The following COBLL1 variants were observed in gnomAD, a reference collection of about 807,000 sequenced individuals.
COBLL1 encodes the protein cordon-bleu WH2 repeat protein like 1.
A neutral mutation model predicts 94.8 loss-of-function variants in COBLL1; 50 were observed. That is an observed-to-expected ratio of 0.53 (90% CI 0.42 to 0.67). The LOEUF is 0.67. Among genes scored for constraint, COBLL1 ranks in the 30% least tolerant of loss-of-function variants. The pLI is 0.00. For missense variants in COBLL1, 1,362 were observed against 1,348.7 expected, an observed-to-expected ratio of 1.01 and a Z score of -0.15; for synonymous variants, 448 against 473.8, an observed-to-expected ratio of 0.95 and a Z score of 0.71.
chr2:164,760,395 T>C (rs564082741), intron 2 of COBLL1, among the ~76,000 whole-genome samples: 3 of 152,162 alleles, frequency 2.0e-5, no homozygotes, highest in Non-Finnish European at 4.4e-5. Flanking sequence ...GGAGGCATGA[T>C]GAGACTATTA....
intron 1 of COBLL1, among the ~76,000 whole-genome samples, chr2:164,673,885 T>C: frequency 6.6e-6 from 1 of 152,236 alleles, no homozygotes; most frequent in South Asian, 2.1e-4. Flanking sequence ...TTTAGAAACT[T>C]GAGAGAATTC....
intron 3 of COBLL1, among the ~76,000 whole-genome samples, chr2:164,736,826 C>T (rs1686335164): frequency 6.6e-6 from 1 of 152,008 alleles, no homozygotes; most frequent in Admixed American, 6.6e-5. Context: ...AAAAGAAGTG[C>T]ACATATAGAT....
chr2:164,694,672 T>C lies in COBLL1; in HGVS notation c.2720A>G (p.Asp907Gly), dbSNP rs749744175. The C allele has an allele frequency of 6.2e-7, 1 of 1,613,752 alleles. No homozygotes were observed. Among genetic ancestry groups the C allele is most frequent in the South Asian group, 1.1e-5 (1 of 91,060 alleles). Residue 907 changes from aspartate to glycine, a missense_variant, in exon 12 of 14, where the codon GAT (aspartate) becomes GGT (glycine). By Grantham distance (94) the Asp-to-Gly change is moderately conservative (BLOSUM62 -1). Coordinates refer to ENST00000652658, the MANE Select transcript of COBLL1 (RefSeq NM_001365672.2). ...KELTNKEAERDMLPSPEQTLS... is the reference protein window; with the variant it reads ...KELTNKEAERGMLPSPEQTLS... Reference sequence around the variant, plus strand: ...AGTCTGCTCCGGAGAAGGCAGCATATCCCTTTCTGCCTCTTTATTTGTCAG... The same window carrying C: ...AGTCTGCTCCGGAGAAGGCAGCATACCCCTTTCTGCCTCTTTATTTGTCAG...
chr2:164,815,128 A>G (rs1684658679), intron 2 of COBLL1, among the ~76,000 whole-genome samples: 2 of 150,928 alleles, frequency 1.3e-5, no homozygotes, highest in Admixed American at 1.3e-4. Flanking sequence ...GGCCAGACAC[A>G]GGGGCTCATG....
chr2:164,667,697 T>C (rs1283210803), intron 1 of COBLL1, among the ~76,000 whole-genome samples: 2 of 152,208 alleles, frequency 1.3e-5, no homozygotes, highest in African/African-American at 2.4e-5. Context: ...TAGCTTCATC[T>C]CTCTCAGCCT....
chr2:164,821,904 T>TG (rs932792893), intron 2 of COBLL1, among the ~76,000 whole-genome samples: 64 of 152,054 alleles, frequency 4.2e-4, no homozygotes, highest in African/African-American at 1.5e-3. Context: ...AAACTGAGAG[T>TG]GGTGAGCTTA....
At chr2:164,817,168 C>T (rs1684798279) in intron 2 of COBLL1, among the ~76,000 whole-genome samples, 1 of 152,066 alleles carries the variant, frequency 6.6e-6, no homozygotes, top group African/African-American at 2.4e-5. Context: ...AACTCATAGC[C>T]ACAGCCACTG....
At chr2:164,662,065 A>C (rs1391834498) in intron 2 of COBLL1, among the ~76,000 whole-genome samples, 1 of 152,216 alleles carries the variant, frequency 6.6e-6, no homozygotes, top group Non-Finnish European at 1.5e-5. Flanking sequence ...ATATAGAGAA[A>C]TTCAAAATGT....
At chr2:164,756,312 T>C (rs968025525) in intron 2 of COBLL1, among the ~76,000 whole-genome samples, 2 of 152,120 alleles carry the variant, frequency 1.3e-5, no homozygotes, top group African/African-American at 2.4e-5. Context: ...TTCACTATGA[T>C]AGCCAGTTAC....
chr2:164,660,864 T>G (rs577299181), intron 2 of COBLL1, among the ~76,000 whole-genome samples: 1 of 152,334 alleles, frequency 6.6e-6, no homozygotes, highest in African/African-American at 2.4e-5. Context: ...TGGGTTTGAT[T>G]GAAACATTTA....
At chr2:164,798,239 A>G (rs554802997) in intron 2 of COBLL1, among the ~76,000 whole-genome samples, 10 of 152,346 alleles carry the variant, frequency 6.6e-5, no homozygotes, top group Admixed American at 3.3e-4. Flanking sequence ...ATCTGCCTTC[A>G]CATCTCATCA....
intron 7 of COBLL1, among the ~76,000 whole-genome samples, chr2:164,716,867 G>C (rs1417182774): frequency 2.6e-5 from 4 of 152,012 alleles, no homozygotes; most frequent in Non-Finnish European, 5.9e-5. Flanking sequence ...AATATAGACA[G>C]CCAAAAAATA....
intron 2 of COBLL1, among the ~76,000 whole-genome samples, chr2:164,744,786 A>T (rs775437683): frequency 6.6e-6 from 1 of 152,214 alleles, no homozygotes; most frequent in Non-Finnish European, 1.5e-5. Context: ...GCTTCAATGA[A>T]AAACATTACT....
At chr2:164,804,447 T>C (rs1279263052) in intron 2 of COBLL1, among the ~76,000 whole-genome samples, 1 of 152,212 alleles carries the variant, frequency 6.6e-6, no homozygotes, top group East Asian at 1.9e-4. Flanking sequence ...CTGTTTCATA[T>C]TATATAAAAT....
intron 2 of COBLL1, among the ~76,000 whole-genome samples, chr2:164,772,630 T>C (rs1688262971): frequency 6.6e-6 from 1 of 152,046 alleles, no homozygotes; most frequent in Admixed American, 6.6e-5. Flanking sequence ...GTTAATTCAA[T>C]TTTTTCTTTT....
chr2:164,772,068 G>A (rs1437049957), intron 2 of COBLL1: 1 of 151,882 alleles, frequency 6.6e-6, no homozygotes, highest in Non-Finnish European at 1.5e-5. Context: ...CATTAAGTTT[G>A]CTTATTTATA....
intron 13 of COBLL1, 23 bp downstream of exon 13, chr2:164,692,198 C>T (rs371080136): frequency 7.0e-5 from 109 of 1,561,706 alleles, no homozygotes; most frequent in East Asian, 2.3e-4. Flanking sequence ...CCCACTGTCA[C>T]CCATCTGATA....
intron 2 of COBLL1, among the ~76,000 whole-genome samples, chr2:164,834,423 T>C (rs1166617638): frequency 6.6e-6 from 1 of 152,192 alleles, no homozygotes; most frequent in Non-Finnish European, 1.5e-5. Context: ...TAGTCTTTAC[T>C]TGAAAAAGGA....
chr2:164,724,895 T>C (rs1223142935), intron 5 of COBLL1: 1 of 151,880 alleles, frequency 6.6e-6, no homozygotes, highest in Non-Finnish European at 1.5e-5. Flanking sequence ...ATCTGATGAT[T>C]CAAATATTAA....
Sources: gnomAD v4.1 joint callset for allele counts (sites outside exome capture counted in the v4.1 genomes callset) on GRCh38, gnomAD v4.1.1 for gene constraint, MANE v1.5 for transcripts, NCBI Gene and HGNC (gene_info 2026-07-23, HGNC 2026-07-21) for gene names.